REPS2: variants seen among roughly 807,000 people sequenced by gnomAD.
REPS2 encodes the protein RALBP1 associated Eps domain containing 2.
A neutral mutation model predicts 53.6 loss-of-function variants in REPS2; 23 were observed. The observed-to-expected ratio is 0.43, with a 90% CI of 0.31 to 0.61. REPS2 has a LOEUF of 0.61. Ranked by LOEUF, REPS2 falls within the 20% of genes least tolerant of loss-of-function variation. The probability of loss-of-function intolerance (pLI) is 0.11; values close to 1 mark genes in which losing one functional copy is unlikely to be tolerated. For synonymous variants in REPS2, 238 were observed against 218.6 expected, an observed-to-expected ratio of 1.09 and a Z score of -0.78; for missense variants, 446 against 534.9, an observed-to-expected ratio of 0.83 and a Z score of 1.64.
intron 1 of REPS2, among the ~76,000 whole-genome samples, chrX:17,002,594 C>T (rs1333936936): frequency 8.9e-6 from 1 of 112,276 alleles, no homozygotes; most frequent in East Asian, 2.8e-4. Flanking sequence ...GGTTGACCTG[C>T]GTGTTCAGCT....
chrX:16,990,058 G>A (rs754811908), intron 1 of REPS2, among the ~76,000 whole-genome samples: 24 of 112,023 alleles, frequency 2.1e-4, no homozygotes, highest in Non-Finnish European at 4.5e-4. Flanking sequence ...TGGATGAATG[G>A]TTAGACAAAC....
intron 8 of REPS2, among the ~76,000 whole-genome samples, chrX:17,059,293 C>T (rs781244518): frequency 1.9e-5 from 2 of 105,383 alleles, no homozygotes; most frequent in South Asian, 8.6e-4. Context: ...ACACGCCCGG[C>T]CTAGTGTTTT....
chrX:17,146,026 G>A (rs1274979047), intron 17 of REPS2, among the ~76,000 whole-genome samples: 2 of 107,590 alleles, frequency 1.9e-5, no homozygotes, highest in African/African-American at 3.4e-5. Context: ...GGAGAATGGC[G>A]TGAACCTGGG....
At chrX:17,071,351 T>C (rs1315305312) in intron 11 of REPS2, among the ~76,000 whole-genome samples, 16 of 78,538 alleles carry the variant, frequency 2.0e-4, no homozygotes, top group African/African-American at 7.3e-4. Context: ...TTGAGGATCA[T>C]AACTTTTCCT....
chrX:17,080,028 A>G, intron 13 of REPS2, among the ~76,000 whole-genome samples: 1 of 111,992 alleles, frequency 8.9e-6, no homozygotes, highest in South Asian at 3.7e-4. Context: ...CCTTTGCTGC[A>G]CTTATCTTTA....
At chrX:17,113,481 G>C (rs1286139622) in intron 14 of REPS2, among the ~76,000 whole-genome samples, 1 of 110,646 alleles carries the variant, frequency 9.0e-6, no homozygotes, top group African/African-American at 3.3e-5. Context: ...ACCTTTTACT[G>C]TATGTTCCCT....
At chrX:17,158,964 A>G in the REPS2 span, among the ~76,000 whole-genome samples, 1 of 112,561 alleles carries the variant, frequency 8.9e-6, no homozygotes, top group South Asian at 3.7e-4. Flanking sequence ...CCAAATAATA[A>G]GAATTTTCCC....
chrX:16,971,227 A>T (rs1400295151), intron 1 of REPS2, among the ~76,000 whole-genome samples: 2 of 111,917 alleles, frequency 1.8e-5, no homozygotes, highest in East Asian at 5.6e-4. Context: ...TTTAGTTGGA[A>T]TTTCCCTGAT....
intron 6 of REPS2, among the ~76,000 whole-genome samples, chrX:17,050,151 T>C (rs1323682386): frequency 1.2e-4 from 4 of 34,709 alleles, no homozygotes; most frequent in Admixed American, 5.6e-4. Context: ...CCTTTCTTTC[T>C]TTCTTTCTTT....
intron 13 of REPS2, among the ~76,000 whole-genome samples, chrX:17,077,649 C>G: frequency 1.8e-5 from 2 of 112,293 alleles, no homozygotes; most frequent in Admixed American, 1.9e-4. Context: ...AATTCTCTAC[C>G]AAGAGGATAA....
At chrX:17,179,423 G>T in the REPS2 span, among the ~76,000 whole-genome samples, 3 of 111,160 alleles carry the variant, frequency 2.7e-5, no homozygotes, top group Non-Finnish European at 5.7e-5. Context: ...GGCCTAAGTG[G>T]AGAGAAACCA....
At chrX:17,113,404 G>A (rs949051997) in intron 14 of REPS2, among the ~76,000 whole-genome samples, 5 of 109,067 alleles carry the variant, frequency 4.6e-5, no homozygotes, top group Non-Finnish European at 9.5e-5. Flanking sequence ...TAAATTTATC[G>A]AGGTTGAATA....
At chrX:17,130,049 G>A (rs891638125) in intron 14 of REPS2, among the ~76,000 whole-genome samples, 4 of 112,412 alleles carry the variant, frequency 3.6e-5, no homozygotes, top group Non-Finnish European at 3.8e-5. Context: ...AAGGCAAGAA[G>A]GGGCCTCAGG....
chrX:17,027,788 C>CA (rs773649391), intron 4 of REPS2, among the ~76,000 whole-genome samples: 21 of 104,330 alleles, frequency 2.0e-4, no homozygotes, highest in Non-Finnish European at 4.1e-4. Flanking sequence ...TTTGGGGTTT[C>CA]ATTTGGGAAG....
At chrX:17,028,043 GC>G (rs1001150667) in intron 4 of REPS2, among the ~76,000 whole-genome samples, 8 of 110,932 alleles carry the variant, frequency 7.2e-5, no homozygotes, top group African/African-American at 2.6e-4. Flanking sequence ...TCCAAAAAAG[GC>G]CCCCCATGCA....
chrX:17,043,496 C>T (rs1180798104), intron 5 of REPS2, among the ~76,000 whole-genome samples: 1 of 36,729 alleles, frequency 2.7e-5, no homozygotes, highest in African/African-American at 2.0e-4. Flanking sequence ...GCTTCTGCAG[C>T]CTTTCTTGCC....
At chrX:17,088,298 A>G (rs2062568751) in intron 13 of REPS2, among the ~76,000 whole-genome samples, 1 of 111,929 alleles carries the variant, frequency 8.9e-6, no homozygotes, top group African/African-American at 3.3e-5. Context: ...GTGTAAATGT[A>G]ATATGAGAGA....
At chrX:16,973,553 C>T (rs926952916) in intron 1 of REPS2, among the ~76,000 whole-genome samples, 1 of 112,002 alleles carries the variant, frequency 8.9e-6, no homozygotes, top group Non-Finnish European at 1.9e-5. Flanking sequence ...AGGAGCTTAA[C>T]ACAACAGATG....
chrX:17,000,030 G>C (rs964145504), intron 1 of REPS2, among the ~76,000 whole-genome samples: 7 of 82,772 alleles, frequency 8.5e-5, no homozygotes, highest in African/African-American at 3.5e-4. Flanking sequence ...CTGGGCGACA[G>C]AGCGAGACTC....
Sources: gnomAD v4.1 joint callset for allele counts (sites outside exome capture counted in the v4.1 genomes callset) on GRCh38, gnomAD v4.1.1 for gene constraint, MANE v1.5 for transcripts, NCBI Gene and HGNC (gene_info 2026-07-23, HGNC 2026-07-21) for gene names.